ADAM2: variants seen among roughly 807,000 people sequenced by gnomAD.
ADAM2 encodes the protein ADAM metallopeptidase domain 2.
A neutral mutation model predicts 99.3 loss-of-function variants in ADAM2; 101 were observed. The observed-to-expected ratio is 1.02, with a 90% CI of 0.87 to 1.20. The LOEUF is 1.20. ADAM2 is among the 50% of genes most tolerant of loss of function. The pLI, the probability that ADAM2 is intolerant of heterozygous loss-of-function variation, is 0.00. For synonymous variants in ADAM2, 323 were observed against 287.6 expected, an observed-to-expected ratio of 1.12 and a Z score of -1.25; for missense variants, 948 against 878.7, an observed-to-expected ratio of 1.08 and a Z score of -1.00.
intron 4 of ADAM2, among the ~76,000 whole-genome samples, chr8:39,824,355 A>G (rs1805316417): frequency 6.6e-6 from 1 of 152,108 alleles, no homozygotes; most frequent in African/African-American, 2.4e-5. Context: ...TATTTTTTAA[A>G]AAAATTATAG....
intron 7 of ADAM2, among the ~76,000 whole-genome samples, chr8:39,796,116 G>T (rs913472702): frequency 6.6e-6 from 1 of 151,460 alleles, no homozygotes; most frequent in Non-Finnish European, 1.5e-5. Context: ...AGAATGTGCA[G>T]GTTTATTACA....
At chr8:39,807,871 C>G (rs963160989) in intron 7 of ADAM2, among the ~76,000 whole-genome samples, 2 of 152,074 alleles carry the variant, frequency 1.3e-5, no homozygotes, top group African/African-American at 4.8e-5. Context: ...ACCAAAAATT[C>G]CCATAGTCAT....
At chr8:39,809,370 G>T in intron 7 of ADAM2, 40 bp downstream of exon 7, 1 of 799,134 alleles carries the variant, frequency 1.3e-6, no homozygotes, top group Non-Finnish European at 2.1e-6. Context: ...ATCCCTCATT[G>T]CAAATATTAA....
chr8:39,831,955 A>G (rs1479765260), intron 3 of ADAM2, among the ~76,000 whole-genome samples: 1 of 152,188 alleles, frequency 6.6e-6, no homozygotes, highest in African/African-American at 2.4e-5. Context: ...TCCATGATTC[A>G]TGCAAGGATG....
At chr8:39,806,508 ATAT>A (rs1012099130) in intron 7 of ADAM2, among the ~76,000 whole-genome samples, 2 of 148,008 alleles carry the variant, frequency 1.4e-5, no homozygotes, top group Admixed American at 6.8e-5. Context: ...ATTATTTGTA[ATAT>A]TATTATAAAC....
At chr8:39,803,360 T>G (rs1804295196) in intron 7 of ADAM2, among the ~76,000 whole-genome samples, 1 of 152,158 alleles carries the variant, frequency 6.6e-6, no homozygotes, top group African/African-American at 2.4e-5. Context: ...GAAAACATGA[T>G]AGCCAAATCC....
chr8:39,769,353 C>G, intron 12 of ADAM2, 39 bp downstream of exon 12: 1 of 1,487,974 alleles, frequency 6.7e-7, no homozygotes, highest in South Asian at 1.2e-5. Context: ...GTAATTTTTG[C>G]TGCAATTTCA....
chr8:39,775,952 A>AT (rs1169591559), intron 11 of ADAM2, among the ~76,000 whole-genome samples: 23 of 152,242 alleles, frequency 1.5e-4, no homozygotes, highest in African/African-American at 5.5e-4. Context: ...CAAGAGCCCA[A>AT]TAGCCCATTG....
Position 39,788,649 on chromosome 8 carries a change from A to G in ADAM2, c.642+20T>C. 6.5e-7 allele frequency: 1 copy of G among 1,538,688 alleles called. No homozygotes were observed. The highest frequency in any genetic ancestry group is 8.8e-7 in the Non-Finnish European group (1 of 1,130,328). Reference sequence around the variant, plus strand: ...TTAGTAACACAAGAAGTGCAAAAGTACTAAGAAGCAAAGACTTACAGCATT... The same window carrying G: ...TTAGTAACACAAGAAGTGCAAAAGTGCTAAGAAGCAAAGACTTACAGCATT... On this transcript the variant is annotated intron_variant, in intron 8 of 20. Coordinates refer to ENST00000265708, the MANE Select transcript of ADAM2 (RefSeq NM_001464.5).
Position 39,821,584 on chromosome 8 carries a change from A to C in ADAM2, c.344+2T>G. The C allele has an allele frequency of 6.3e-7, 1 of 1,577,934 alleles. No homozygotes were observed. The highest frequency in any genetic ancestry group is 8.7e-7 in the Non-Finnish European group (1 of 1,149,892). On this transcript the variant is annotated splice_donor_variant, in intron 5 of 20. Coordinates refer to ENST00000265708, the MANE Select transcript of ADAM2 (RefSeq NM_001464.5). LOFTEE classifies it high-confidence loss of function. ...GTAATTCATAAAACAGTAAATTACA[A>C]CCTGAGTCCAGTACATGTGCTAACC...
rs1554518837 is a variant in ADAM2, at chr8:39,746,017, G to GTGTA, written c.2174+454_2174+455insTACA. Reference sequence around the variant, plus strand: ...TGTGTGTGTGTGCATGTGTGTGTGTGTATATATATATAATTTTTTCTTTTT... The same window carrying GTGTA: ...TGTGTGTGTGTGCATGTGTGTGTGTGTGTATATATATATATAATTTTTTCTTTTT... On this transcript the variant is annotated intron_variant, in intron 19 of 20. Coordinates refer to ENST00000265708, the MANE Select transcript of ADAM2 (RefSeq NM_001464.5). Among the ~76,000 whole-genome samples the GTGTA allele has an allele frequency of 6.7e-5, 10 of 150,256 alleles. No homozygotes were observed. The East Asian group carries it at 9.9e-4, about 15-fold the overall frequency.
chr8:39,819,355 TA>T (rs1021912473), intron 6 of ADAM2, among the ~76,000 whole-genome samples: 6 of 152,002 alleles, frequency 3.9e-5, no homozygotes, highest in African/African-American at 1.4e-4. Context: ...CCTCATCCAA[TA>T]AAAAATATTA....
chr8:39,760,489 AG>A (rs1238257886), intron 15 of ADAM2, among the ~76,000 whole-genome samples: 1 of 152,126 alleles, frequency 6.6e-6, no homozygotes, highest in Non-Finnish European at 1.5e-5. Flanking sequence ...TGGGAGGCCG[AG>A]GCAGGTGGAT....
chr8:39,806,459 A>AT (rs1299476440), intron 7 of ADAM2, among the ~76,000 whole-genome samples: 6 of 148,688 alleles, frequency 4.0e-5, no homozygotes, highest in African/African-American at 1.5e-4. Context: ...ATGACACATA[A>AT]TAAAAAAAAA....
At chr8:39,767,447 T>C (rs1438867018) in intron 12 of ADAM2, among the ~76,000 whole-genome samples, 196 bp from the exon 13 acceptor site, 1 of 152,226 alleles carries the variant, frequency 6.6e-6, no homozygotes, top group Non-Finnish European at 1.5e-5. Context: ...AGACCATGTG[T>C]TGCTCATATT....
At chr8:39,811,923 G>C (rs190991672) in intron 6 of ADAM2, among the ~76,000 whole-genome samples, 1 of 152,140 alleles carries the variant, frequency 6.6e-6, no homozygotes, top group East Asian at 1.9e-4. Flanking sequence ...GGAAGTTCTG[G>C]CCAGGGCAAT....
rs983408984 is a variant in ADAM2 at position 39,777,026 on chromosome 8, T to A, written c.1027A>T (p.Ile343Phe). 4 of 1,559,964 alleles carry A rather than the reference T, an allele frequency of 2.6e-6. No homozygotes were observed. Among genetic ancestry groups the A allele is most frequent in the Non-Finnish European group, 1.8e-6 (2 of 1,133,786 alleles). The change falls in exon 11 of 21, where the codon ATT becomes TTT. Residue 343 changes from isoleucine to phenylalanine, a missense_variant and splice_region_variant. Transcript: ENST00000265708. ...AAGTATAAAAGTCAGAAATCTTACA[T>A]TGCTTCTGGATTCATAATGCAGACA... ...GAVCIMNPEA[I>F]HFSGVKIFSN... is the part of the protein sequence containing the mutation.
At chr8:39,828,575 A>G (rs1274113667) in intron 3 of ADAM2, among the ~76,000 whole-genome samples, 1 of 151,914 alleles carries the variant, frequency 6.6e-6, no homozygotes, top group East Asian at 1.9e-4. Context: ...GTGAAAATTT[A>G]AACAATCAAG....
chr8:39,777,606 G>A (rs979021320), intron 10 of ADAM2, among the ~76,000 whole-genome samples: 3 of 152,076 alleles, frequency 2.0e-5, no homozygotes, highest in Admixed American at 6.6e-5. Context: ...ATAGAATAAG[G>A]TCTAGTATTT....
Sources: allele counts gnomAD v4.1 joint callset (sites outside exome capture counted in the v4.1 genomes callset), GRCh38; gene constraint gnomAD v4.1.1; transcripts MANE v1.5; gene names NCBI Gene and HGNC (gene_info 2026-07-23, HGNC 2026-07-21).